The following CBFA2T3 variants were observed in gnomAD, a reference collection of about 807,000 sequenced individuals.
The protein encoded by CBFA2T3 is CBFA2/RUNX1 partner transcriptional co-repressor 3.
In CBFA2T3, 31 loss-of-function variants were observed where a neutral mutation model predicts 58.6. That is an observed-to-expected ratio of 0.53 (90% confidence interval 0.40 to 0.71). The LOEUF (loss-of-function observed/expected upper bound fraction) is 0.71, where lower values mean the gene tolerates loss of function less well. CBFA2T3 is among the 30% of genes least tolerant of loss of function. CBFA2T3 has a pLI of 0.00. For missense variants in CBFA2T3, 1,076 were observed against 963.1 expected (o/e 1.12, Z -1.55); for synonymous variants, 531 against 421.9 (o/e 1.26, Z -3.17).
chr16:88,884,988 G>C lies in CBFA2T3; in HGVS notation c.1117+58C>G, dbSNP rs953326394. Reference sequence around the variant, plus strand: ...TGCCCACATGCTCAGGTGTACATGTGGGCGCATGTGTGCTCCTGTAACACG... The same window carrying C: ...TGCCCACATGCTCAGGTGTACATGTCGGCGCATGTGTGCTCCTGTAACACG... On this transcript the variant is annotated intron_variant, in intron 7 of 11. Coordinates refer to ENST00000268679, the MANE Select transcript of CBFA2T3 (RefSeq NM_005187.6). 6.6e-5 allele frequency: 87 copies of C among 1,320,414 alleles called. No homozygotes were observed. In the African/African-American group the frequency reaches 1.3e-3, roughly 19 times the overall value. The allele number at this position is 1,320,414 out of a possible 1,614,324, so 81.8% of individuals were successfully genotyped here.
chr16:88,926,645 C>A (rs978378600), intron 1 of CBFA2T3, among the ~76,000 whole-genome samples: 2 of 152,198 alleles, frequency 1.3e-5, no homozygotes, highest in African/African-American at 2.4e-5. Context: ...CAGGGAGGCC[C>A]GAGGGCAGGA....
chr16:88,921,609 G>A (rs1261696011), intron 1 of CBFA2T3, among the ~76,000 whole-genome samples: 4 of 149,698 alleles, frequency 2.7e-5, no homozygotes, highest in African/African-American at 5.1e-5. Flanking sequence ...GGAGGGAGGG[G>A]GGGCGGTTGG....
At chr16:88,908,862 G>A (rs545616021) in intron 1 of CBFA2T3, among the ~76,000 whole-genome samples, 7 of 152,362 alleles carry the variant, frequency 4.6e-5, no homozygotes, top group East Asian at 1.9e-4. Context: ...GTCCTACTGC[G>A]TGCCAGGCCT....
intron 2 of CBFA2T3, among the ~76,000 whole-genome samples, chr16:88,899,025 A>G (rs1970000029): frequency 6.6e-6 from 1 of 151,872 alleles, no homozygotes; most frequent in Non-Finnish European, 1.5e-5. Flanking sequence ...GCTTTAGAGG[A>G]GCTTGGTCTG....
chr16:88,880,890 G>A, intron 9 of CBFA2T3, 102 bp from the exon 10 acceptor site: 1 of 1,107,806 alleles, frequency 9.0e-7, no homozygotes, highest in Non-Finnish European at 1.3e-6. Flanking sequence ...GGGCGTGAGT[G>A]TGTGCGTCCC....
intron 1 of CBFA2T3, among the ~76,000 whole-genome samples, chr16:88,947,871 G>A (rs1971946048): frequency 6.6e-6 from 1 of 152,152 alleles, no homozygotes; most frequent in Admixed American, 6.5e-5. Flanking sequence ...CTATGATCAC[G>A]CTACTGCACT....
chr16:88,884,948 G>A (rs1480839630), intron 7 of CBFA2T3, 98 bp downstream of exon 7: 7 of 883,284 alleles, frequency 7.9e-6, no homozygotes, highest in African/African-American at 3.4e-5. Context: ...GCACACAGCT[G>A]CCCGTGGTGC....
chr16:88,901,664 C>CA lies in CBFA2T3; in HGVS notation c.152-9dup. The CA allele has an allele frequency of 2.0e-6, 3 of 1,522,808 alleles. No homozygotes were observed. The South Asian group carries it at 3.9e-5, about 20-fold the overall frequency. 94.3% of individuals were successfully genotyped at this position (1,522,808 alleles called of 1,614,324 possible). A position where few individuals can be genotyped will look rare whatever the true frequency, so the allele number is the denominator to read the frequency against. On this transcript the variant is annotated splice_polypyrimidine_tract_variant and intron_variant, in intron 1 of 11. Coordinates refer to ENST00000268679, the MANE Select transcript of CBFA2T3 (RefSeq NM_005187.6). ...CTTTCCTGTCCACTGGGGCTGCGAC[C>CA]AACGGAGAAAGAAAGAGTCGGTGAA...
intron 1 of CBFA2T3, among the ~76,000 whole-genome samples, chr16:88,963,548 C>A (rs545250791): frequency 6.6e-6 from 1 of 152,320 alleles, no homozygotes; most frequent in South Asian, 2.1e-4. Context: ...GTCTTCTCCA[C>A]ACCCTCCCCA....
chr16:88,881,372 C>A lies in CBFA2T3; in HGVS notation c.1321G>T (p.Ala441Ser), dbSNP rs199953961. Reference sequence around the variant, plus strand: ...GCGGGGCCCTTCTTTGTGTCCTCGGCGTCGCTGTAGCGCCGCGCCCAGTGG... The same window carrying A: ...GCGGGGCCCTTCTTTGTGTCCTCGGAGTCGCTGTAGCGCCGCGCCCAGTGG... Reference protein sequence around the residue: ...LNHWARRYSDAEDTKKGPAPA... With the variant: ...LNHWARRYSDSEDTKKGPAPA... Residue 441 changes from alanine (A) to serine (S), a missense_variant, in exon 9 of 12, where the codon GCC (alanine) becomes TCC (serine). By Grantham distance (99) the Ala-to-Ser change is moderately conservative. Coordinates refer to ENST00000268679, the MANE Select transcript of CBFA2T3 (RefSeq NM_005187.6). 13 of 1,584,382 alleles carry A rather than the reference C, an allele frequency of 8.2e-6. No individual in the cohort carries two copies. Among genetic ancestry groups the A allele is most frequent in the East Asian group, 2.3e-5 (1 of 43,230 alleles).
chr16:88,923,671 G>A (rs774338058), intron 1 of CBFA2T3, among the ~76,000 whole-genome samples: 3 of 152,212 alleles, frequency 2.0e-5, no homozygotes, highest in Non-Finnish European at 4.4e-5. Context: ...GCCAAGCTGC[G>A]CATCCTCCGC....
At chr16:88,941,075 G>C (rs1328451462) in intron 1 of CBFA2T3, 30 of 985,000 alleles carry the variant, frequency 3.0e-5, no homozygotes, top group Non-Finnish European at 2.3e-5. Context: ...TCGCGACTCG[G>C]TCCGGGAGTC....
intron 1 of CBFA2T3, among the ~76,000 whole-genome samples, chr16:88,906,428 T>TGCTCCCC (rs138123374): frequency 0.03 from 4,572 of 152,292 alleles, 207 homozygotes; most frequent in African/African-American, 0.1. Flanking sequence ...TTGCTGACCC[T>TGCTCCCC]GCTCCCCGCT....
chr16:88,946,866 T>C (rs1971917313), intron 1 of CBFA2T3, among the ~76,000 whole-genome samples: 1 of 152,136 alleles, frequency 6.6e-6, no homozygotes, highest in African/African-American at 2.4e-5. Flanking sequence ...GCTCACTGCA[T>C]CCTTTGACCT....
intron 11 of CBFA2T3, among the ~76,000 whole-genome samples, chr16:88,877,834 G>A (rs1968897733): frequency 6.6e-6 from 1 of 152,244 alleles, no homozygotes; most frequent in Non-Finnish European, 1.5e-5. Flanking sequence ...GCAGGTAGGA[G>A]ATGCCACACA....
At chr16:88,896,119 G>A (rs1030105150) in intron 3 of CBFA2T3, among the ~76,000 whole-genome samples, 6 of 152,156 alleles carry the variant, frequency 3.9e-5, no homozygotes, top group African/African-American at 1.4e-4. Context: ...TGAGGCTGTT[G>A]GCAATAAACA....
intron 1 of CBFA2T3, among the ~76,000 whole-genome samples, chr16:88,931,103 C>A (rs906445106): frequency 2.0e-5 from 3 of 152,240 alleles, no homozygotes; most frequent in Middle Eastern, 3.4e-3. Context: ...GACCCATCCA[C>A]GTTGCTAACA....
At chr16:88,881,703 A>G in intron 8 of CBFA2T3, 1 of 544,496 alleles carries the variant, frequency 1.8e-6, no homozygotes, top group Admixed American at 3.2e-5. Context: ...CCAGACTCAC[A>G]TGGACACGTG....
chr16:88,903,700 C>T (rs959788918), intron 1 of CBFA2T3, among the ~76,000 whole-genome samples: 3 of 56,728 alleles, frequency 5.3e-5, no homozygotes, highest in Admixed American at 1.8e-4. Flanking sequence ...CTGGGGGGGG[C>T]GTTCCTGGTG....
Sources: gnomAD v4.1 joint callset for allele counts (sites outside exome capture counted in the v4.1 genomes callset) on GRCh38, gnomAD v4.1.1 for gene constraint, MANE v1.5 for transcripts, NCBI Gene and HGNC (gene_info 2026-07-23, HGNC 2026-07-21) for gene names.